KDM5A: variants seen among roughly 807,000 people sequenced by gnomAD.
KDM5A encodes lysine demethylase 5A.
A neutral mutation model predicts 193.5 loss-of-function variants in KDM5A; 42 were observed. The observed-to-expected ratio is 0.22, with a 90% confidence interval of 0.17 to 0.28. KDM5A has a LOEUF of 0.28. KDM5A is among the 10% of genes least tolerant of loss of function. The pLI is 1.00. For synonymous variants in KDM5A, 796 were observed against 718.1 expected (o/e 1.11, Z -1.73); for missense variants, 1,692 against 2,055.1 (o/e 0.82, Z 3.42).
chr12:327,530 T>C (rs1388669338), intron 14 of KDM5A, among the ~76,000 whole-genome samples: 1 of 149,520 alleles, frequency 6.7e-6, no homozygotes, highest in Non-Finnish European at 1.5e-5. Context: ...GCCAACATAG[T>C]AAAACCCCAT....
chr12:317,676 T>C (rs1184444379), intron 19 of KDM5A, among the ~76,000 whole-genome samples: 1 of 152,194 alleles, frequency 6.6e-6, no homozygotes, highest in Non-Finnish European at 1.5e-5. Context: ...GAAAACCAGT[T>C]GTCGGAGCCA....
chr12:325,167 ATTTTC>A (rs1943766359), intron 14 of KDM5A, among the ~76,000 whole-genome samples: 1 of 152,126 alleles, frequency 6.6e-6, no homozygotes, highest in African/African-American at 2.4e-5. Flanking sequence ...GGCATTTAGT[ATTTTC>A]TTTAAAAATT....
chr12:355,978 TAAAGA>T (rs1944225689), intron 6 of KDM5A, among the ~76,000 whole-genome samples: 1 of 152,224 alleles, frequency 6.6e-6, no homozygotes, highest in Non-Finnish European at 1.5e-5. Flanking sequence ...ACAGACTTAC[TAAAGA>T]AAACAGTTTA....
At chr12:362,875 T>C in intron 5 of KDM5A, 88 bp downstream of exon 5, 2 of 1,260,736 alleles carry the variant, frequency 1.6e-6, no homozygotes. Flanking sequence ...AGAGGATCAC[T>C]TGAGCCAAGG....
At chr12:371,976 G>C (rs1322046002) in intron 3 of KDM5A, among the ~76,000 whole-genome samples, 1 of 152,228 alleles carries the variant, frequency 6.6e-6, no homozygotes, top group Non-Finnish European at 1.5e-5. Flanking sequence ...TTTGGTACCA[G>C]TACCATGCTG....
intron 10 of KDM5A, among the ~76,000 whole-genome samples, chr12:337,803 C>A (rs993120433): frequency 6.6e-6 from 1 of 151,852 alleles, no homozygotes; most frequent in Non-Finnish European, 1.5e-5. Context: ...CCACCATGCC[C>A]GGCTAATTTT....
rs146112563 is a variant in KDM5A, at chr12:287,805, A to G, written c.4867-2143T>C. 3.3e-5 allele frequency among the ~76,000 whole-genome samples: 5 copies of G among 152,338 alleles called. No homozygotes were observed. The East Asian group carries it at 9.7e-4, about 29-fold the overall frequency. On this transcript the variant is annotated intron_variant, in intron 27 of 27. Coordinates refer to ENST00000399788, the MANE Select transcript of KDM5A (RefSeq NM_001042603.3). ...TGCTAATCCATTGGATAAGAATGTTATTAATGTATCAGTATTTGCTACAAA... is the reference window on the plus strand; with the variant it reads ...TGCTAATCCATTGGATAAGAATGTTGTTAATGTATCAGTATTTGCTACAAA...
chr12:350,499 A>T, intron 10 of KDM5A, 122 bp downstream of exon 10: 1 of 913,200 alleles, frequency 1.1e-6, no homozygotes, highest in Non-Finnish European at 1.7e-6. Context: ...AAAACTGAAG[A>T]TTATTTATAC....
chr12:313,299 T>C, intron 19 of KDM5A, 105 bp from the exon 20 acceptor site: 1 of 1,331,394 alleles, frequency 7.5e-7, no homozygotes, highest in Non-Finnish European at 1.1e-6. Context: ...ACTGAATTCT[T>C]ACCACAATCC....
At chr12:372,780 TATTG>T (rs1944446494) in intron 3 of KDM5A, among the ~76,000 whole-genome samples, 3 of 152,218 alleles carry the variant, frequency 2.0e-5, no homozygotes, top group African/African-American at 7.2e-5. Flanking sequence ...ATACCTAATT[TATTG>T]AGAGTTTTTA....
chr12:388,903 C>T, intron 1 of KDM5A, 24 bp downstream of exon 1: 3 of 1,613,744 alleles, frequency 1.9e-6, no homozygotes, highest in Non-Finnish European at 2.5e-6. Flanking sequence ...CCTTCTCCCC[C>T]TCTCTCTTCA....
At chr12:347,864 A>G (rs995053691) in intron 10 of KDM5A, among the ~76,000 whole-genome samples, 3 of 152,232 alleles carry the variant, frequency 2.0e-5, no homozygotes, top group Non-Finnish European at 1.5e-5. Flanking sequence ...CAAGGACTTC[A>G]TGACTAAAAC....
At chr12:371,060 G>A (rs1194684840) in intron 3 of KDM5A, among the ~76,000 whole-genome samples, 1 of 108,194 alleles carries the variant, frequency 9.2e-6, no homozygotes, top group Non-Finnish European at 2.0e-5. Context: ...ATTGTGAATA[G>A]TGCCACAATA....
intron 10 of KDM5A, among the ~76,000 whole-genome samples, chr12:343,982 T>G (rs568040714): frequency 6.6e-6 from 1 of 152,190 alleles, no homozygotes. Flanking sequence ...TAAAGGAGGA[T>G]GTTCAAACCC....
chr12:289,089 T>A (rs950322661), intron 27 of KDM5A, among the ~76,000 whole-genome samples: 1 of 151,880 alleles, frequency 6.6e-6, no homozygotes, highest in African/African-American at 2.4e-5. Flanking sequence ...AAAATGAGAG[T>A]TCATAGTCTC....
At chr12:371,870 T>G (rs1362232752) in intron 3 of KDM5A, among the ~76,000 whole-genome samples, 2 of 152,170 alleles carry the variant, frequency 1.3e-5, no homozygotes, top group Non-Finnish European at 2.9e-5. Flanking sequence ...TTTCCCCATT[T>G]CTTGTTTTTG....
chr12:379,445 C>A (rs184015241), intron 3 of KDM5A, among the ~76,000 whole-genome samples: 1 of 142,434 alleles, frequency 7.0e-6, no homozygotes, highest in Admixed American at 7.3e-5. Flanking sequence ...ATATCTTGAT[C>A]TGCGTGATGG....
chr12:362,922 A>G lies in KDM5A; in HGVS notation c.672+41T>C, dbSNP rs374020078. 9 of 1,595,450 alleles carry G rather than the reference A, an allele frequency of 5.6e-6. No individual in the cohort carries two copies. In the African/African-American group the frequency reaches 1.2e-4, roughly 21 times the overall value. On this transcript the variant is annotated intron_variant, in intron 5 of 27. Transcript: ENST00000399788. ...AGCCTGGGCAACATCAGGAGACTAC[A>G]TCTTTATTTAAAAATTTAAAAAAGC...
chr12:311,088 AC>A (rs1458304746), intron 20 of KDM5A, 24 bp from the exon 21 acceptor site: 1 of 1,612,356 alleles, frequency 6.2e-7, no homozygotes, highest in South Asian at 1.1e-5. Context: ...GTAGATTCTC[AC>A]AATTTGAGTT....
Sources: gnomAD v4.1 joint callset for allele counts (sites outside exome capture counted in the v4.1 genomes callset) on GRCh38, gnomAD v4.1.1 for gene constraint, MANE v1.5 for transcripts, NCBI Gene and HGNC (gene_info 2026-07-23, HGNC 2026-07-21) for gene names.